Variants in ACVR2B observed in about 807,000 individuals in gnomAD.
ACVR2B encodes the protein activin A receptor type 2B.
A neutral mutation model predicts 65.1 loss-of-function variants in ACVR2B; 18 were observed. The observed-to-expected ratio is 0.28, with a 90% CI of 0.19 to 0.41. The LOEUF (loss-of-function observed/expected upper bound fraction) is 0.41, where lower values mean the gene tolerates loss of function less well. Among genes scored for constraint, ACVR2B ranks in the 10% least tolerant of loss-of-function variants. The pLI is 1.00. For synonymous variants in ACVR2B, 298 were observed against 277.7 expected (o/e 1.07, Z -0.73); for missense variants, 482 against 682.7 (o/e 0.71, Z 3.28).
In ACVR2B at chr3:38,458,170, T is replaced by C. The variant is rs375188435; in HGVS notation, c.52+3796T>C. Among the ~76,000 whole-genome samples, 5 of 152,158 alleles carry C rather than the reference T, an allele frequency of 3.3e-5. No homozygotes were observed. In the East Asian group the frequency reaches 5.8e-4, roughly 18 times the overall value. Reference sequence around the variant, plus strand: ...TACTGTGTACTACTCTGTGGGTCTTTCTGGGCATCAAGAATCTCCAGAAGC... The same window carrying C: ...TACTGTGTACTACTCTGTGGGTCTTCCTGGGCATCAAGAATCTCCAGAAGC... On this transcript the variant is annotated intron_variant, in intron 1 of 10. Coordinates refer to ENST00000352511, the MANE Select transcript of ACVR2B (RefSeq NM_001106.4).
At position 38,483,188 on chromosome 3, in the gene ACVR2B, A is replaced by G. The variant is rs754235361; in HGVS notation, c.1395A>G (p.Ala465=). The change falls in exon 11 of 11, where the codon GCA becomes GCG. Residue 465 remains alanine (A), a synonymous_variant. Coordinates refer to ENST00000352511, the MANE Select transcript of ACVR2B (RefSeq NM_001106.4). This position sits in a 1 kb window ranked among gnomAD's most constrained non-coding sequence, Gnocchi z 4.8. Reference sequence around the variant, plus strand: ...TCGAGGAGTGCTGGGACCATGATGCAGAGGCTCGCTTGTCCGCGGGCTGTG... The same window carrying G: ...TCGAGGAGTGCTGGGACCATGATGCGGAGGCTCGCTTGTCCGCGGGCTGTG... ...VTIEECWDHD[A]EARLSAGCVE... 6.2e-7 allele frequency: 1 copy of G among 1,614,152 alleles called. No homozygotes were observed. Among genetic ancestry groups the G allele is most frequent in the Non-Finnish European group, 8.5e-7 (1 of 1,180,030 alleles).
intron 1 of ACVR2B, among the ~76,000 whole-genome samples, chr3:38,461,056 C>G (rs1709637647): frequency 6.6e-6 from 1 of 152,168 alleles, no homozygotes; most frequent in South Asian, 2.1e-4. Flanking sequence ...CCAATTAAAA[C>G]AGGAGACTAA....
rs1383429957 is a variant in ACVR2B at position 38,482,531 on chromosome 3, A to G, written c.1315A>G (p.Thr439Ala). ...GGTGGTGCACAAGAAGATGAGGCCCACCATTAAAGATCACTGGTTGAAACA... is the reference window on the plus strand; with the variant it reads ...GGTGGTGCACAAGAAGATGAGGCCCGCCATTAAAGATCACTGGTTGAAACA... ...EVVVHKKMRP[T>A]IKDHWLKHPG... The change falls in exon 10 of 11, where the codon ACC becomes GCC. Residue 439 changes from threonine (T) to alanine (A), a missense_variant. By Grantham distance (58) the Thr-to-Ala change is moderately conservative. Transcript: ENST00000352511. 1.2e-6 allele frequency: 2 copies of G among 1,611,476 alleles called. No homozygotes were observed. The highest frequency in any genetic ancestry group is 4.5e-5 in the East Asian group (2 of 44,848).
In ACVR2B at chr3:38,483,699, C is replaced by A. The variant is rs1211458167; in HGVS notation, c.*367C>A. ...TTGTTTGTCGTCTCAGAATCTGTGA[C>A]ACAAAGAAACCCATCTCCTGTCTTA... On this transcript the variant is annotated 3_prime_UTR_variant, in exon 11 of 11. Coordinates refer to ENST00000352511, the MANE Select transcript of ACVR2B (RefSeq NM_001106.4). This position sits in a 1 kb window ranked among gnomAD's most constrained non-coding sequence, Gnocchi z 4.8. The A allele has an allele frequency of 6.3e-6, 1 of 157,544 alleles. No individual in the cohort carries two copies. The highest frequency in any genetic ancestry group is 1.9e-4 in the East Asian group (1 of 5,384). 9.8% of individuals were successfully genotyped at this position (157,544 alleles called of 1,614,324 possible).
At chr3:38,459,303 A>T (rs1230272299) in intron 1 of ACVR2B, among the ~76,000 whole-genome samples, 1 of 152,082 alleles carries the variant, frequency 6.6e-6, no homozygotes, top group Non-Finnish European at 1.5e-5. Context: ...GGCGTCCTTG[A>T]GTTTTCCCAG....
At chr3:38,460,610 C>A (rs982318637) in intron 1 of ACVR2B, among the ~76,000 whole-genome samples, 1 of 152,172 alleles carries the variant, frequency 6.6e-6, no homozygotes, top group Non-Finnish European at 1.5e-5. Flanking sequence ...CTGGGACTGG[C>A]AGCTCCAACT....
Position 38,488,932 on chromosome 3 carries a change from T to C in ACVR2B, c.*5600T>C, listed in dbSNP as rs374586870. On this transcript the variant is annotated 3_prime_UTR_variant, in exon 11 of 11. Coordinates refer to ENST00000352511, the MANE Select transcript of ACVR2B (RefSeq NM_001106.4). ...ACTAAAGCAATGTACACACCACTCT[T>C]TGTGTGTATGGAAGGGGTTATATAA... The C allele has an allele frequency of 2.0e-5, 3 of 152,200 alleles. No homozygotes were observed. The highest frequency in any genetic ancestry group is 4.8e-5 in the African/African-American group (2 of 41,442). The allele number at this position is 152,200 out of a possible 1,614,324, so 9.4% of individuals were successfully genotyped here. A position where few individuals can be genotyped will look rare whatever the true frequency, so the allele number is the denominator to read the frequency against.
At chr3:38,468,435 G>A (rs921795494) in intron 1 of ACVR2B, among the ~76,000 whole-genome samples, 2 of 152,170 alleles carry the variant, frequency 1.3e-5, no homozygotes, top group Non-Finnish European at 2.9e-5. Flanking sequence ...TCCTGTTTCA[G>A]TGTGATACCT....
rs761414091 is a variant in ACVR2B at position 38,477,417 on chromosome 3, C to G, written c.183C>G (p.Ala61=). Residue 61 remains alanine (A), a synonymous_variant, in exon 2 of 11, where the codon GCC becomes GCG. Coordinates refer to ENST00000352511, the MANE Select transcript of ACVR2B (RefSeq NM_001106.4). This position sits in a 1 kb window ranked among gnomAD's most constrained non-coding sequence, Gnocchi z 6.7. ...AGGACAAGCGGCTGCACTGCTACGCCTCCTGGCGCAACAGCTCTGGCACCA... is the reference window on the plus strand; with the variant it reads ...AGGACAAGCGGCTGCACTGCTACGCGTCCTGGCGCAACAGCTCTGGCACCA... ...GEQDKRLHCY[A]SWRNSSGTIE... 5 of 1,614,158 alleles carry G rather than the reference C, an allele frequency of 3.1e-6. No individual in the cohort carries two copies. In the South Asian group the frequency reaches 5.5e-5, roughly 18 times the overall value.
chr3:38,464,774 C>G (rs1298796696), intron 1 of ACVR2B, among the ~76,000 whole-genome samples: 1 of 152,148 alleles, frequency 6.6e-6, no homozygotes, highest in Non-Finnish European at 1.5e-5. Flanking sequence ...ATATTCTGGG[C>G]TGCTGGGTTT....
At chr3:38,456,690 C>T (rs1222210732) in intron 1 of ACVR2B, among the ~76,000 whole-genome samples, 1 of 152,106 alleles carries the variant, frequency 6.6e-6, no homozygotes, top group Non-Finnish European at 1.5e-5. Context: ...TTACTGCATT[C>T]TCAAATGACA....
chr3:38,477,222 G>T lies in ACVR2B; in HGVS notation c.53-65G>T, dbSNP rs1709926794. The T allele has an allele frequency of 1.9e-6, 3 of 1,587,790 alleles. No homozygotes were observed. The highest frequency in any genetic ancestry group is 2.3e-5 in the East Asian group (1 of 44,132). ...CAGGGTGGCCTGGCACCCAGGACTG[G>T]GAGTAGGGGTTTGGGTGGTGGTCCC... On this transcript the variant is annotated intron_variant, in intron 1 of 10. Transcript: ENST00000352511. This position sits in a 1 kb window ranked among gnomAD's most constrained non-coding sequence, Gnocchi z 6.7.
At chr3:38,454,464 C>T (rs780671243) in intron 1 of ACVR2B, 90 bp downstream of exon 1, 1 of 1,122,710 alleles carries the variant, frequency 8.9e-7, no homozygotes, top group Non-Finnish European at 1.1e-6. Flanking sequence ...AGGGCGGGCC[C>T]GGGGCCTCGT....
chr3:38,472,120 C>G (rs1709828371), intron 1 of ACVR2B, among the ~76,000 whole-genome samples: 1 of 152,194 alleles, frequency 6.6e-6, no homozygotes, highest in Admixed American at 6.5e-5. Context: ...GTTATACACT[C>G]CAGCCTTCCT....
chr3:38,464,982 C>T (rs1709705566), intron 1 of ACVR2B, among the ~76,000 whole-genome samples: 1 of 152,124 alleles, frequency 6.6e-6, no homozygotes, highest in Admixed American at 6.5e-5. Context: ...CTCGAATTAT[C>T]TCTATAATTT....
At chr3:38,455,042 C>T (rs538983288) in intron 1 of ACVR2B, among the ~76,000 whole-genome samples, 3 of 152,252 alleles carry the variant, frequency 2.0e-5, no homozygotes, top group Non-Finnish European at 2.9e-5. Context: ...CCAACAGGTC[C>T]CTCTTCCTTC....
At chr3:38,467,309 T>C (rs1443212204) in intron 1 of ACVR2B, among the ~76,000 whole-genome samples, 4 of 152,002 alleles carry the variant, frequency 2.6e-5, no homozygotes, top group African/African-American at 4.8e-5. Context: ...TAGCTAGGCA[T>C]GGTGGCGCAT....
rs978925136 is a variant in ACVR2B at position 38,486,785 on chromosome 3, A to G, written c.*3453A>G. On this transcript the variant is annotated 3_prime_UTR_variant, in exon 11 of 11. Coordinates refer to ENST00000352511, the MANE Select transcript of ACVR2B (RefSeq NM_001106.4). ...GGCCTTGGGGAAGAATCTTCTTTGA[A>G]AGCATCTATGATAACTGAGAAGTCA... The G allele has an allele frequency of 1.3e-5, 2 of 152,230 alleles. No homozygotes were observed. Among genetic ancestry groups the G allele is most frequent in the African/African-American group, 4.8e-5 (2 of 41,458 alleles). 9.4% of individuals were successfully genotyped at this position (152,230 alleles called of 1,614,324 possible).
Position 38,481,294 on chromosome 3 carries a change from C to T in ACVR2B, c.960-57C>T. 1 of 1,448,962 alleles carries T rather than the reference C, an allele frequency of 6.9e-7. No homozygotes were observed. Among genetic ancestry groups the T allele is most frequent in the South Asian group, 1.1e-5 (1 of 87,498 alleles). 89.8% of individuals were successfully genotyped at this position (1,448,962 alleles called of 1,614,324 possible). A position where few individuals can be genotyped will look rare whatever the true frequency, so the allele number is the denominator to read the frequency against. ...GCACAGACTCTAGTATCTTGGGAAC[C>T]AAGGTGGGAGTTGGATCATGATGTT... On this transcript the variant is annotated intron_variant, in intron 7 of 10. Transcript: ENST00000352511. The surrounding 1 kb of genome is among the most constrained non-coding windows in gnomAD (Gnocchi z 4.7).
Sources: allele counts gnomAD v4.1 joint callset (sites outside exome capture counted in the v4.1 genomes callset), GRCh38; gene constraint gnomAD v4.1.1; non-coding constraint Gnocchi (gnomAD v3.1); transcripts MANE v1.5; gene names NCBI Gene and HGNC (gene_info 2026-07-23, HGNC 2026-07-21).